Variants in NCOR2 observed in about 807,000 individuals in gnomAD.
The protein encoded by NCOR2 is nuclear receptor corepressor 2.
A neutral mutation model predicts 262.9 loss-of-function variants in NCOR2; 81 were observed. That is an observed-to-expected ratio of 0.31 (90% confidence interval 0.26 to 0.37). The LOEUF is 0.37. Ranked by LOEUF, NCOR2 falls within the 10% of genes least tolerant of loss-of-function variation. NCOR2 has a pLI of 1.00. For missense variants in NCOR2, 3,385 were observed against 3,621.4 expected (o/e 0.93, Z 1.68); for synonymous variants, 1,659 against 1,559.3 (o/e 1.06, Z -1.51).
At chr12:124,373,256 C>T (rs1283874486) in intron 19 of NCOR2, among the ~76,000 whole-genome samples, 2 of 125,538 alleles carry the variant, frequency 1.6e-5, no homozygotes, top group Non-Finnish European at 3.5e-5. Flanking sequence ...GTGCAGGGGA[C>T]CCGGGCACAG....
In NCOR2 at chr12:124,486,720, C is replaced by T. The variant is rs1018624549; in HGVS notation, c.106-152G>A. On this transcript the variant is annotated intron_variant, in intron 1 of 46. Coordinates refer to ENST00000405201, the Ensembl canonical transcript of NCOR2. ...AAGTCCTGCAGGGAACCTCAGGGAC[C>T]GTCTGGCCAGAGGCTACCCTTGGGG... 5 of 1,019,710 alleles carry T rather than the reference C, an allele frequency of 4.9e-6. No individual in the cohort carries two copies. The South Asian group carries it at 5.3e-5, about 11-fold the overall frequency. 63.2% of individuals were successfully genotyped at this position (1,019,710 alleles called of 1,614,324 possible).
intron 6 of NCOR2, among the ~76,000 whole-genome samples, chr12:124,450,923 C>T (rs2045483392): frequency 6.6e-6 from 1 of 152,230 alleles, no homozygotes; most frequent in Non-Finnish European, 1.5e-5. Flanking sequence ...ACAGTGCATG[C>T]TAAGCTCTCA....
intron 7 of NCOR2, among the ~76,000 whole-genome samples, chr12:124,445,390 C>T (rs761630684): frequency 3.3e-5 from 5 of 152,204 alleles, no homozygotes; most frequent in African/African-American, 9.6e-5. Flanking sequence ...ACACCAGCAG[C>T]GCCCGAAGCA....
intron 20 of NCOR2, among the ~76,000 whole-genome samples, chr12:124,369,354 G>T (rs1174551179): frequency 6.6e-6 from 1 of 152,194 alleles, no homozygotes; most frequent in South Asian, 2.1e-4. Flanking sequence ...TCACCGGGGC[G>T]GGGGGCCAGA....
intron 43 of NCOR2, among the ~76,000 whole-genome samples, 165 bp from the exon 46 acceptor site, chr12:124,331,063 CTTTT>C (rs747884076): frequency 2.2e-5 from 3 of 135,706 alleles, no homozygotes; most frequent in Non-Finnish European, 3.2e-5. Flanking sequence ...GTCTGCATTT[CTTTT>C]TTTTTTTTTT....
chr12:124,442,843 T>C (rs1337790483), intron 7 of NCOR2, among the ~76,000 whole-genome samples: 1 of 152,060 alleles, frequency 6.6e-6, no homozygotes, highest in Non-Finnish European at 1.5e-5. Flanking sequence ...CCTAATCCAA[T>C]GACTTATGAA....
Position 124,348,137 on chromosome 12 carries a change from G to A in NCOR2, c.3985+37C>T, listed in dbSNP as rs184015878. 2.3e-3 allele frequency: 3,628 copies of A among 1,604,868 alleles called. 12 individuals are homozygous for A. Among genetic ancestry groups the A allele is most frequent in the Non-Finnish European group, 2.8e-3 (3,355 of 1,179,832 alleles). On this transcript the variant is annotated intron_variant, in intron 29 of 46. Transcript: ENST00000405201. ...CAGCCATCCCCCCACCGCCCACCAGGGGGCACCGAGAGATGAAGTCTCCTC... is the reference window on the plus strand; with the variant it reads ...CAGCCATCCCCCCACCGCCCACCAGAGGGCACCGAGAGATGAAGTCTCCTC...
At chr12:124,416,786 C>T (rs567981447) in intron 13 of NCOR2, among the ~76,000 whole-genome samples, 71 of 149,040 alleles carry the variant, frequency 4.8e-4, no homozygotes, top group Non-Finnish European at 8.5e-4. Context: ...CAGATAGACC[C>T]GTGGCACAGG....
intron 7 of NCOR2, among the ~76,000 whole-genome samples, chr12:124,439,367 G>T (rs62650985): frequency 4.7e-3 from 40 of 8,528 alleles, no homozygotes; most frequent in Middle Eastern, 0.056. Flanking sequence ...ACAGAGACCC[G>T]GAGACAGAGG....
intron 7 of NCOR2, among the ~76,000 whole-genome samples, chr12:124,441,790 G>A (rs1293362143): frequency 6.6e-6 from 1 of 152,202 alleles, no homozygotes; most frequent in East Asian, 1.9e-4. Flanking sequence ...GGCGACAGCG[G>A]AGACCTAGGG....
In NCOR2 at chr12:124,345,833, T is replaced by TCACAGCCC. The variant is rs768579790; in HGVS notation, c.4359+723_4359+730dup. 1.9e-4 allele frequency among the ~76,000 whole-genome samples: 29 copies of TCACAGCCC among 152,276 alleles called. 1 individual carries two copies. The highest frequency in any genetic ancestry group is 2.0e-4 in the Admixed American group (3 of 15,304). On this transcript the variant is annotated intron_variant, in intron 31 of 46. Coordinates refer to ENST00000405201, the Ensembl canonical transcript of NCOR2. ...GGACACCCACCCCAGTCCTTCCGCCTCACAGCCCCACAGCCCCGTGGTGGC... is the reference window on the plus strand; with the variant it reads ...GGACACCCACCCCAGTCCTTCCGCCTCACAGCCCCACAGCCCCACAGCCCCGTGGTGGC...
chr12:124,535,928 C>A (rs2051100895), upstream of NCOR2, among the ~76,000 whole-genome samples: 3 of 152,036 alleles, frequency 2.0e-5, no homozygotes, highest in African/African-American at 7.3e-5. Flanking sequence ...GGGCCCCGGG[C>A]CACACGGCTA....
intron 45 of NCOR2, among the ~76,000 whole-genome samples, chr12:124,327,208 G>C (rs1202897946): frequency 6.6e-6 from 1 of 152,142 alleles, no homozygotes; most frequent in Non-Finnish European, 1.5e-5. Context: ...GCCGGGGCTG[G>C]GGGGCAGAGG....
chr12:124,437,814 C>T, intron 8 of NCOR2, 116 bp downstream of exon 10: 4 of 889,666 alleles, frequency 4.5e-6, no homozygotes, highest in Non-Finnish European at 6.6e-6. Flanking sequence ...GCAGCCTGGA[C>T]ACTCAGGGAG....
At chr12:124,450,215 G>A (rs2045435631) in intron 6 of NCOR2, among the ~76,000 whole-genome samples, 1 of 152,246 alleles carries the variant, frequency 6.6e-6, no homozygotes, top group Non-Finnish European at 1.5e-5. Context: ...CACCAAACGT[G>A]GAAAGCCACT....
intron 16 of NCOR2, among the ~76,000 whole-genome samples, chr12:124,387,567 CACTG>C (rs1254139082): frequency 5.9e-5 from 9 of 152,106 alleles, no homozygotes; most frequent in East Asian, 1.9e-4. Flanking sequence ...GTGGGGGTGG[CACTG>C]ACTGACAGGC....
At chr12:124,448,461 C>G (rs1011098684) in intron 7 of NCOR2, among the ~76,000 whole-genome samples, 9 of 152,212 alleles carry the variant, frequency 5.9e-5, no homozygotes, top group Non-Finnish European at 8.8e-5. Context: ...TGTACCAGCC[C>G]GGGACCCCTG....
At chr12:124,499,174 C>A (rs1330759314), upstream of NCOR2, among the ~76,000 whole-genome samples, 1 of 152,226 alleles carries the variant, frequency 6.6e-6, no homozygotes, top group Non-Finnish European at 1.5e-5. Context: ...AAGATGGGGG[C>A]AGGAGAGGAC....
chr12:124,540,439 G>A (rs1434718591), upstream of NCOR2, among the ~76,000 whole-genome samples: 1 of 92,616 alleles, frequency 1.1e-5, no homozygotes, highest in East Asian at 3.0e-4. Context: ...GGGTTGGGGA[G>A]TAGAGCTGGA....
Sources: allele counts gnomAD v4.1 joint callset (sites outside exome capture counted in the v4.1 genomes callset), GRCh38; gene constraint gnomAD v4.1.1; transcripts MANE v1.5; gene names NCBI Gene and HGNC (gene_info 2026-07-23, HGNC 2026-07-21).